Variants in GABRG1 observed in about 807,000 individuals in gnomAD.
GABRG1 encodes the protein gamma-aminobutyric acid type A receptor subunit gamma1, also known as gamma-aminobutyric acid receptor subunit gamma-1.
In GABRG1, 49 loss-of-function variants were observed where a neutral mutation model predicts 49.8. The observed-to-expected ratio is 0.98, with a 90% CI of 0.78 to 1.25. The LOEUF is 1.25. Among genes scored for constraint, GABRG1 ranks in the 50% most tolerant of loss-of-function variants. The pLI is 0.00. For synonymous variants in GABRG1, 232 were observed against 185.1 expected, an observed-to-expected ratio of 1.25 and a Z score of -2.06; for missense variants, 552 against 552.3, an observed-to-expected ratio of 1.00 and a Z score of 0.01.
intron 3 of GABRG1, among the ~76,000 whole-genome samples, chr4:46,072,622 T>TA (rs1213136187): frequency 6.6e-6 from 1 of 152,082 alleles, no homozygotes; most frequent in African/African-American, 2.4e-5. Context: ...TGTAATATAT[T>TA]AAAAATCCAT....
chr4:46,092,413 A>G (rs1720021513), intron 2 of GABRG1, among the ~76,000 whole-genome samples: 1 of 152,046 alleles, frequency 6.6e-6, no homozygotes, highest in South Asian at 2.1e-4. Context: ...AATAAAGTGC[A>G]TATTTTACTG....
intron 3 of GABRG1, among the ~76,000 whole-genome samples, chr4:46,082,882 ATCT>A (rs1015195515): frequency 8.6e-5 from 13 of 151,686 alleles, no homozygotes; most frequent in African/African-American, 9.7e-5. Flanking sequence ...CAGATCTGTG[ATCT>A]TCTTAATCTG....
At chr4:46,103,779 A>G (rs1720454880) in intron 1 of GABRG1, among the ~76,000 whole-genome samples, 1 of 151,362 alleles carries the variant, frequency 6.6e-6, no homozygotes, top group Admixed American at 6.6e-5. Flanking sequence ...AACACAATTG[A>G]CTGGGTGGTT....
chr4:46,093,777 C>T (rs564726341), intron 2 of GABRG1, among the ~76,000 whole-genome samples: 159 of 151,836 alleles, frequency 1.0e-3, no homozygotes, highest in African/African-American at 3.7e-3. Context: ...GGAGACAAAA[C>T]AATCCAAAAT....
intron 2 of GABRG1, among the ~76,000 whole-genome samples, chr4:46,095,951 CT>C (rs1398182680): frequency 6.6e-6 from 1 of 151,710 alleles, no homozygotes; most frequent in Non-Finnish European, 1.5e-5. Flanking sequence ...CAATAGTTAT[CT>C]TTTTTGCTCC....
chr4:46,096,962 C>A (rs1181415138), intron 2 of GABRG1, among the ~76,000 whole-genome samples: 1 of 151,642 alleles, frequency 6.6e-6, no homozygotes, highest in African/African-American at 2.4e-5. Flanking sequence ...TTTATCAAAA[C>A]TCGGTCAGAT....
At chr4:46,048,221 T>A (rs1054454349) in intron 8 of GABRG1, among the ~76,000 whole-genome samples, 1 of 152,080 alleles carries the variant, frequency 6.6e-6, no homozygotes, top group Non-Finnish European at 1.5e-5. Flanking sequence ...CTTCTTAGAC[T>A]TTCTTGAAAA....
At chr4:46,118,132 G>GTGTATATATATA (rs377481920) in intron 1 of GABRG1, among the ~76,000 whole-genome samples, 3,312 of 109,938 alleles carry the variant, frequency 0.03, 160 homozygotes, top group Non-Finnish European at 0.037. Flanking sequence ...GTGTGTGTGT[G>GTGTATATATATA]TATATATATA....
At chr4:46,090,245 G>T (rs1052439671) in intron 2 of GABRG1, among the ~76,000 whole-genome samples, 4 of 151,972 alleles carry the variant, frequency 2.6e-5, no homozygotes, top group African/African-American at 9.7e-5. Flanking sequence ...AAGGTATCCA[G>T]GACATATTTA....
chr4:46,114,092 A>G (rs1720805177), intron 1 of GABRG1, among the ~76,000 whole-genome samples: 1 of 150,974 alleles, frequency 6.6e-6, no homozygotes, highest in Non-Finnish European at 1.5e-5. Flanking sequence ...GAGCTACTAA[A>G]CCCTTTTGTA....
chr4:46,086,285 G>A (rs73144855), intron 2 of GABRG1, among the ~76,000 whole-genome samples: 8,347 of 151,658 alleles, frequency 0.055, 381 homozygotes, highest in African/African-American at 0.12. Flanking sequence ...GAAAAAAGCT[G>A]TGTGATCAAT....
In GABRG1 at chr4:46,056,160, A is replaced by AT. The variant is rs1718433877; in HGVS notation, c.916+2056_916+2057insA. On this transcript the variant is annotated intron_variant, in intron 7 of 8. Transcript: ENST00000295452. ...AAATAAATAAATAAATTAAAAAAAA[A>AT]AAAAAAAAAAAAAAAAAAAATAGTC... is the stretch of plus-strand genomic sequence containing the variant. Among the ~76,000 whole-genome samples the AT allele has an allele frequency of 4.6e-4, 15 of 32,270 alleles. 3 individuals carry two copies. Among genetic ancestry groups the AT allele is most frequent in the Admixed American group, 1.9e-3 (7 of 3,708 alleles). 21.2% of individuals were successfully genotyped at this position (32,270 alleles called of 152,430 possible). A position where few individuals can be genotyped will look rare whatever the true frequency, so the allele number is the denominator to read the frequency against.
At chr4:46,041,598 C>T (rs542894445) in intron 8 of GABRG1, among the ~76,000 whole-genome samples, 8 of 151,918 alleles carry the variant, frequency 5.3e-5, no homozygotes, top group African/African-American at 1.9e-4. Context: ...CAGTGCTATA[C>T]ACATCTTTTT....
intron 1 of GABRG1, among the ~76,000 whole-genome samples, chr4:46,118,734 T>A (rs1391683067): frequency 4.0e-5 from 6 of 151,252 alleles, no homozygotes; most frequent in African/African-American, 1.5e-4. Flanking sequence ...TAGCTAAGGC[T>A]ATTTCTTGAA....
At chr4:46,045,432 C>T (rs1416790189) in intron 8 of GABRG1, among the ~76,000 whole-genome samples, 2 of 151,668 alleles carry the variant, frequency 1.3e-5, no homozygotes, top group Admixed American at 6.6e-5. Flanking sequence ...CCAGTAGTTT[C>T]CAAGGAGAAA....
chr4:46,083,945 G>A (rs1216078575), intron 3 of GABRG1, 41 bp downstream of exon 3: 10 of 1,082,128 alleles, frequency 9.2e-6, no homozygotes, highest in Non-Finnish European at 1.4e-5. Context: ...ATACACGAGA[G>A]ATCTCTGTGG....
Position 46,118,132 on chromosome 4 carries a change from G to GTATGTATATATA in GABRG1, c.104+5677_104+5678insTATATATACATA, listed in dbSNP as rs1553884497. Among the ~76,000 whole-genome samples the GTATGTATATATA allele has an allele frequency of 1.3e-4, 14 of 109,984 alleles. 2 individuals carry two copies. Among genetic ancestry groups the GTATGTATATATA allele is most frequent in the East Asian group, 6.4e-4 (3 of 4,708 alleles). 72.2% of individuals were successfully genotyped at this position (109,984 alleles called of 152,430 possible). On this transcript the variant is annotated intron_variant, in intron 1 of 8. Coordinates refer to ENST00000295452, the MANE Select transcript of GABRG1 (RefSeq NM_173536.4). ...TATATACATATATACGTGTGTGTGT[G>GTATGTATATATA]TATATATATATATACAGCTACAGTA...
intron 1 of GABRG1, among the ~76,000 whole-genome samples, chr4:46,116,324 T>C (rs1720884621): frequency 6.6e-6 from 1 of 150,906 alleles, no homozygotes; most frequent in African/African-American, 2.4e-5. Context: ...ATTGAAATTA[T>C]CATTGAGTTC....
At chr4:46,065,792 G>A (rs763776903) in intron 3 of GABRG1, among the ~76,000 whole-genome samples, 4 of 151,860 alleles carry the variant, frequency 2.6e-5, no homozygotes, top group Non-Finnish European at 4.4e-5. Flanking sequence ...ATGCAATCTC[G>A]GCTCACCGCA....
Sources: gnomAD v4.1 joint callset for allele counts (sites outside exome capture counted in the v4.1 genomes callset) on GRCh38, gnomAD v4.1.1 for gene constraint, MANE v1.5 for transcripts, NCBI Gene and HGNC (gene_info 2026-07-23, HGNC 2026-07-21) for gene names.